FAM120B: variants seen among roughly 807,000 people sequenced by gnomAD.
FAM120B encodes the protein constitutive coactivator of peroxisome proliferator-activated receptor gamma.
FAM120B carries 83 observed loss-of-function variants against 96.3 expected under a neutral mutation model. That is an observed-to-expected ratio of 0.86 (90% CI 0.72 to 1.03). FAM120B has a LOEUF of 1.03. FAM120B is among the 50% of genes least tolerant of loss of function. The probability of loss-of-function intolerance (pLI) is 0.00; values close to 1 mark genes in which losing one functional copy is unlikely to be tolerated. For missense variants in FAM120B, 1,027 were observed against 1,121.2 expected (o/e 0.92, Z 1.20); for synonymous variants, 407 against 402.7 (o/e 1.01, Z -0.13).
chr6:170,295,514 G>C lies in FAM120B; in HGVS notation c.48+61G>C. 1.5e-6 allele frequency: 1 copy of C among 666,130 alleles called. No homozygotes were observed. Among genetic ancestry groups the C allele is most frequent in the Non-Finnish European group, 2.7e-6 (1 of 370,416 alleles). 41.3% of individuals were successfully genotyped at this position (666,130 alleles called of 1,614,324 possible). On this transcript the variant is annotated intron_variant, in intron 1 of 10. Coordinates refer to the FAM120B transcript ENST00000537664. The surrounding 1 kb of genome is among the most constrained non-coding windows in gnomAD (Gnocchi z 7.8). Reference sequence around the variant, plus strand: ...CCCCAGGCAGCCGCGCTTCCACAGCGGGCAGGAGCGCGACCCCCGGCGCGG... The same window carrying C: ...CCCCAGGCAGCCGCGCTTCCACAGCCGGCAGGAGCGCGACCCCCGGCGCGG...
chr6:170,392,613 C>T lies in FAM120B; in HGVS notation c.2599+1492C>T, dbSNP rs146648644. Among the ~76,000 whole-genome samples, 344 of 152,304 alleles carry T rather than the reference C, an allele frequency of 2.3e-3. 2 individuals are homozygous for T. The highest frequency in any genetic ancestry group is 0.014 in the Middle Eastern group (4 of 294). On this transcript the variant is annotated intron_variant, in intron 8 of 10. Transcript: ENST00000476287. ...CAGTTCATGTTTACACCTGTAACTA[C>T]TGCAGTCCCATTATTTTTCTTGATG...
rs888000173 is a variant in FAM120B, at chr6:170,363,407, C to T, written c.2283+5089C>T. Reference sequence around the variant, plus strand: ...CCACCGCTGTCCCTGGTGTGCATGGCGAGTGCAGCAAGTCACACCTGTGTC... The same window carrying T: ...CCACCGCTGTCCCTGGTGTGCATGGTGAGTGCAGCAAGTCACACCTGTGTC... On this transcript the variant is annotated intron_variant, in intron 6 of 10. Transcript: ENST00000476287. This position sits in a 1 kb window ranked among gnomAD's most constrained non-coding sequence, Gnocchi z 4.5. Among the ~76,000 whole-genome samples the T allele has an allele frequency of 6.6e-6, 1 of 152,250 alleles. No individual in the cohort carries two copies. Among genetic ancestry groups the T allele is most frequent in the African/African-American group, 2.4e-5 (1 of 41,472 alleles).
At chr6:170,384,980 A>G (rs1419698441) in intron 6 of FAM120B, among the ~76,000 whole-genome samples, 1 of 152,210 alleles carries the variant, frequency 6.6e-6, no homozygotes, top group African/African-American at 2.4e-5. Context: ...CATTTTGAAC[A>G]CAGTGAACAC....
At chr6:170,369,714 T>A (rs1219418850) in intron 6 of FAM120B, among the ~76,000 whole-genome samples, 4 of 147,544 alleles carry the variant, frequency 2.7e-5, no homozygotes, top group Non-Finnish European at 6.0e-5. Context: ...TTTTTCCTGC[T>A]CCCATACCTG....
At chr6:170,401,093 T>C (rs1562604049) in intron 9 of FAM120B, among the ~76,000 whole-genome samples, 4 of 152,200 alleles carry the variant, frequency 2.6e-5, no homozygotes. Flanking sequence ...ATAATGACTT[T>C]CCATAGGCGG....
chr6:170,400,766 C>T (rs1778530803), intron 9 of FAM120B, among the ~76,000 whole-genome samples: 1 of 152,214 alleles, frequency 6.6e-6, no homozygotes, highest in Non-Finnish European at 1.5e-5. Context: ...CAATGTCCGT[C>T]CTACCTCAGT....
chr6:170,385,379 G>A (rs552011510), intron 6 of FAM120B, among the ~76,000 whole-genome samples: 6 of 152,074 alleles, frequency 3.9e-5, no homozygotes, highest in Non-Finnish European at 8.8e-5. Flanking sequence ...TAAAAAAAAG[G>A]CTGAAAATCA....
intron 4 of FAM120B, chr6:170,330,880 G>C (rs1785982471): frequency 3.8e-6 from 1 of 264,854 alleles, no homozygotes; most frequent in African/African-American, 2.2e-5. Flanking sequence ...CCCAGTGCCT[G>C]ATGTCTAGTT....
Position 170,317,813 on chromosome 6 carries a change from A to G in FAM120B, c.423A>G (p.Thr141=), listed in dbSNP as rs1419426200. ...FFIPSGLAVF[T]RFALKTLGQE... Reference sequence around the variant, plus strand: ...TCCCCTCAGGGCTAGCTGTGTTTACACGATTTGCTCTAAAGACACTGGGCC... The same window carrying G: ...TCCCCTCAGGGCTAGCTGTGTTTACGCGATTTGCTCTAAAGACACTGGGCC... The change falls in exon 2 of 11, where the codon ACA becomes ACG. Residue 141 remains threonine, a synonymous_variant. Transcript: ENST00000476287. 3 of 1,614,126 alleles carry G rather than the reference A, an allele frequency of 1.9e-6. No individual in the cohort carries two copies. In the African/African-American group the frequency reaches 4.0e-5, roughly 22 times the overall value.
intron 1 of FAM120B, among the ~76,000 whole-genome samples, chr6:170,299,949 C>T (rs1784105987): frequency 6.6e-6 from 1 of 152,224 alleles, no homozygotes; most frequent in East Asian, 1.9e-4. Context: ...AGAAGAGGAA[C>T]ATTGTCTTTC....
intron 1 of FAM120B, among the ~76,000 whole-genome samples, chr6:170,296,864 C>G (rs1270022415): frequency 6.6e-6 from 1 of 152,140 alleles, no homozygotes; most frequent in Non-Finnish European, 1.5e-5. Flanking sequence ...GTCGAGGCGT[C>G]GCACCTGGAA....
chr6:170,336,243 T>C (rs1215932369), intron 4 of FAM120B, among the ~76,000 whole-genome samples: 1 of 152,178 alleles, frequency 6.6e-6, no homozygotes, highest in Non-Finnish European at 1.5e-5. Context: ...AAGGAAGGGG[T>C]CCAGCTTCTG....
chr6:170,384,159 G>T (rs1390567616), intron 6 of FAM120B, among the ~76,000 whole-genome samples: 3 of 152,214 alleles, frequency 2.0e-5, no homozygotes, highest in African/African-American at 7.2e-5. Flanking sequence ...TATGTGGAGA[G>T]ACAGTTTTGT....
intron 1 of FAM120B, among the ~76,000 whole-genome samples, chr6:170,296,222 G>A (rs2114974996): frequency 6.6e-6 from 1 of 152,152 alleles, no homozygotes; most frequent in African/African-American, 2.4e-5. Context: ...TGGGGGGCCG[G>A]GTGTTGGGGG....
In FAM120B at chr6:170,350,228, CA is replaced by C. The variant is rs1265928704; in HGVS notation, c.2190+1906del. 7.9e-5 allele frequency among the ~76,000 whole-genome samples: 12 copies of C among 152,320 alleles called. No homozygotes were observed. The East Asian group carries it at 2.3e-3, about 29-fold the overall frequency. On this transcript the variant is annotated intron_variant, in intron 5 of 10. Coordinates refer to ENST00000476287, the MANE Select transcript of FAM120B (RefSeq NM_032448.3). ...CCAAACGGCATCATTCTGCAGGCTG[CA>C]CTTCCATGGCACCTCACAATTTAAG...
At chr6:170,366,496 G>A (rs1788806808) in intron 6 of FAM120B, among the ~76,000 whole-genome samples, 1 of 152,256 alleles carries the variant, frequency 6.6e-6, no homozygotes, top group Non-Finnish European at 1.5e-5. Flanking sequence ...GCATGAGGGA[G>A]AGTGGCGTGT....
At chr6:170,292,710 C>T (rs184133221), upstream of FAM120B, among the ~76,000 whole-genome samples, 46 of 152,358 alleles carry the variant, frequency 3.0e-4, no homozygotes, top group Admixed American at 2.4e-3. This position sits in a 1 kb window ranked among gnomAD's most constrained non-coding sequence, Gnocchi z 6.6. Flanking sequence ...GCAGGCCCTC[C>T]GGCTGCTACG....
intron 6 of FAM120B, among the ~76,000 whole-genome samples, chr6:170,379,560 C>G (rs530785809): frequency 6.6e-6 from 1 of 152,232 alleles, no homozygotes; most frequent in East Asian, 1.9e-4. Flanking sequence ...TGTCAGTGTT[C>G]AAAAAGTTTT....
intron 5 of FAM120B, among the ~76,000 whole-genome samples, chr6:170,356,673 T>C (rs1265426220): frequency 6.6e-6 from 1 of 152,148 alleles, no homozygotes; most frequent in South Asian, 2.1e-4. Context: ...TTACATCCCA[T>C]GAACATTGTA....
Sources: gnomAD v4.1 joint callset for allele counts (sites outside exome capture counted in the v4.1 genomes callset) on GRCh38, gnomAD v4.1.1 for gene constraint, Gnocchi (gnomAD v3.1) non-coding constraint, MANE v1.5 for transcripts, NCBI Gene and HGNC (gene_info 2026-07-23, HGNC 2026-07-21) for gene names.